Variants in MTREX observed in about 807,000 individuals in gnomAD.
MTREX encodes the protein exosome RNA helicase MTR4.
A neutral mutation model predicts 135.4 loss-of-function variants in MTREX; 76 were observed. The ratio of observed to expected loss-of-function variants is 0.56; its 90% CI spans 0.47 to 0.68. The LOEUF (loss-of-function observed/expected upper bound fraction) is 0.68. Ranked by LOEUF, MTREX falls within the 30% of genes least tolerant of loss-of-function variation. MTREX has a pLI of 0.00. For missense variants in MTREX, 920 were observed against 1,262.1 expected, an observed-to-expected ratio of 0.73 and a Z score of 4.11; for synonymous variants, 404 against 401.6, an observed-to-expected ratio of 1.01 and a Z score of -0.07.
At chr5:55,364,219 A>G (rs1247306191) in intron 15 of MTREX, among the ~76,000 whole-genome samples, 1 of 152,198 alleles carries the variant, frequency 6.6e-6, no homozygotes, top group East Asian at 1.9e-4. Context: ...TTGCTAAGAC[A>G]GAGGATTTGT....
chr5:55,395,273 G>T (rs1750629405), intron 19 of MTREX, among the ~76,000 whole-genome samples: 2 of 151,964 alleles, frequency 1.3e-5, no homozygotes, highest in Admixed American at 1.3e-4. Context: ...GGGCATGGTG[G>T]CACACGCCTA....
intron 18 of MTREX, among the ~76,000 whole-genome samples, chr5:55,384,502 G>A (rs1029054323): frequency 6.6e-6 from 1 of 152,074 alleles, no homozygotes; most frequent in Non-Finnish European, 1.5e-5. Flanking sequence ...CCTAACATCT[G>A]GTCACTATTA....
intron 14 of MTREX, 40 bp from the exon 15 acceptor site, chr5:55,358,533 T>C (rs762495020): frequency 2.6e-6 from 4 of 1,533,180 alleles, no homozygotes; most frequent in Non-Finnish European, 1.8e-6. Context: ...TTTTTACCAG[T>C]TTTTTTCCTA....
rs1749158437 is a variant in MTREX, at chr5:55,313,978, A to G, written c.134+5831A>G. ...AAGAGATCATCGTATATCAATATGT[A>G]GAGAGCTGTTTTTTTTTTTTAACAA... On this transcript the variant is annotated intron_variant, in intron 1 of 26. Coordinates refer to ENST00000230640, the MANE Select transcript of MTREX (RefSeq NM_015360.5). Among the ~76,000 whole-genome samples the G allele has an allele frequency of 1.3e-5, 2 of 151,824 alleles. 1 individual carries two copies. Among genetic ancestry groups the G allele is most frequent in the South Asian group, 4.1e-4 (2 of 4,830 alleles).
In MTREX at chr5:55,425,144, C is replaced by A; in HGVS notation, c.*372C>A. 2 of 1,562,532 alleles carry A rather than the reference C, an allele frequency of 1.3e-6. No homozygotes were observed. Among genetic ancestry groups the A allele is most frequent in the Non-Finnish European group, 1.7e-6 (2 of 1,153,380 alleles). ...CCAGGAAGAAAGATGCATCCTCTTG[C>A]CTTGTGGCAATCATTTTCCTTTAGA... On this transcript the variant is annotated 3_prime_UTR_variant, in exon 27 of 27. Coordinates refer to ENST00000230640, the MANE Select transcript of MTREX (RefSeq NM_015360.5).
In MTREX at chr5:55,425,475, G is replaced by A; in HGVS notation, c.*703G>A. ...CAGATTAAGCATATAAAAAATTAGAGACTAACTGGGATTTTTTAAAGATTA... is the reference window on the plus strand; with the variant it reads ...CAGATTAAGCATATAAAAAATTAGAAACTAACTGGGATTTTTTAAAGATTA... On this transcript the variant is annotated 3_prime_UTR_variant, in exon 27 of 27. Coordinates refer to ENST00000230640, the MANE Select transcript of MTREX (RefSeq NM_015360.5). The A allele has an allele frequency of 1.4e-6, 1 of 721,984 alleles. No homozygotes were observed. The highest frequency in any genetic ancestry group is 2.1e-6 in the Non-Finnish European group (1 of 487,116). 44.7% of individuals were successfully genotyped at this position (721,984 alleles called of 1,614,324 possible). A position where few individuals can be genotyped will look rare whatever the true frequency, so the allele number is the denominator to read the frequency against.
At chr5:55,314,599 G>A (rs1268307125) in intron 1 of MTREX, among the ~76,000 whole-genome samples, 1 of 152,156 alleles carries the variant, frequency 6.6e-6, no homozygotes, top group Non-Finnish European at 1.5e-5. Context: ...TTCCCCCAGA[G>A]CCTTCAGGTA....
chr5:55,338,372 C>A (rs1411405067), intron 5 of MTREX, among the ~76,000 whole-genome samples: 1 of 151,954 alleles, frequency 6.6e-6, no homozygotes, highest in East Asian at 1.9e-4. Context: ...GAGAAGTCAG[C>A]CTTAATTATG....
At chr5:55,318,239 T>C (rs371368472) in intron 1 of MTREX, among the ~76,000 whole-genome samples, 16 of 152,200 alleles carry the variant, frequency 1.1e-4, no homozygotes, top group South Asian at 4.2e-4. Context: ...AAAACAGATA[T>C]ACCATTAGAC....
chr5:55,313,446 A>C (rs1164783029), intron 1 of MTREX, among the ~76,000 whole-genome samples: 1 of 152,152 alleles, frequency 6.6e-6, no homozygotes, highest in Non-Finnish European at 1.5e-5. Context: ...TCTCAAAAAA[A>C]AGAAAAGAAA....
At chr5:55,368,512 C>T (rs1355616786) in intron 16 of MTREX, among the ~76,000 whole-genome samples, 2 of 152,136 alleles carry the variant, frequency 1.3e-5, no homozygotes, top group African/African-American at 4.8e-5. Flanking sequence ...AATAATGTTT[C>T]AATTTTATAA....
At chr5:55,354,938 C>G (rs188122903) in intron 14 of MTREX, among the ~76,000 whole-genome samples, 1 of 152,170 alleles carries the variant, frequency 6.6e-6, no homozygotes, top group Non-Finnish European at 1.5e-5. Context: ...TGAGACTCAT[C>G]GGGGTCCAGA....
intron 18 of MTREX, among the ~76,000 whole-genome samples, chr5:55,380,908 A>G (rs1392792103): frequency 2.0e-5 from 3 of 152,160 alleles, no homozygotes. Context: ...CAATATCTTC[A>G]TCACATTCAA....
chr5:55,329,917 T>C (rs533185654), intron 5 of MTREX, among the ~76,000 whole-genome samples: 2 of 152,022 alleles, frequency 1.3e-5, no homozygotes, highest in Non-Finnish European at 2.9e-5. Flanking sequence ...CAGGACTCTT[T>C]TGGGCCGCTT....
chr5:55,318,352 A>T (rs1043995346), intron 1 of MTREX, among the ~76,000 whole-genome samples: 1 of 152,222 alleles, frequency 6.6e-6, no homozygotes, highest in African/African-American at 2.4e-5. Flanking sequence ...CACAATAGCA[A>T]AGACATGGAA....
At chr5:55,390,378 T>G (rs191678976) in intron 19 of MTREX, among the ~76,000 whole-genome samples, 1 of 152,282 alleles carries the variant, frequency 6.6e-6, no homozygotes, top group East Asian at 1.9e-4. Flanking sequence ...TGGGATTACG[T>G]GCATGAGCCA....
At chr5:55,316,008 C>T (rs528029185) in intron 1 of MTREX, among the ~76,000 whole-genome samples, 41 of 152,050 alleles carry the variant, frequency 2.7e-4, no homozygotes, top group Non-Finnish European at 5.7e-4. Context: ...TTATGAACAC[C>T]TCTACACACA....
At chr5:55,390,002 C>T (rs1406704441) in intron 19 of MTREX, among the ~76,000 whole-genome samples, 2 of 152,194 alleles carry the variant, frequency 1.3e-5, no homozygotes, top group Non-Finnish European at 2.9e-5. Flanking sequence ...GCTTCCATTG[C>T]ATAAGGTAAG....
At chr5:55,319,573 A>C (rs1749253960) in intron 1 of MTREX, among the ~76,000 whole-genome samples, 1 of 152,202 alleles carries the variant, frequency 6.6e-6, no homozygotes, top group Admixed American at 6.5e-5. Flanking sequence ...CTATGTATAG[A>C]GCATGCTACC....
Sources: allele counts gnomAD v4.1 joint callset (sites outside exome capture counted in the v4.1 genomes callset), GRCh38; gene constraint gnomAD v4.1.1; transcripts MANE v1.5; gene names NCBI Gene and HGNC (gene_info 2026-07-23, HGNC 2026-07-21).